The following NLGN1 variants were observed in gnomAD, a reference collection of about 807,000 sequenced individuals.
The protein encoded by NLGN1 is neuroligin-1.
In NLGN1, 12 loss-of-function variants were observed where a neutral mutation model predicts 65.5. The ratio of observed to expected loss-of-function variants is 0.18; its 90% CI spans 0.12 to 0.30. The LOEUF is 0.30. Ranked by LOEUF, NLGN1 falls within the 10% of genes least tolerant of loss-of-function variation. NLGN1 has a pLI of 1.00. For synonymous variants in NLGN1, 350 were observed against 359.5 expected (o/e 0.97, Z 0.30); for missense variants, 750 against 1,007.1 (o/e 0.74, Z 3.46).
intron 3 of NLGN1, among the ~76,000 whole-genome samples, chr3:173,665,349 A>G (rs1034490969): frequency 6.6e-6 from 1 of 152,032 alleles, no homozygotes; most frequent in Non-Finnish European, 1.5e-5. Flanking sequence ...CCCTTCCTTC[A>G]TGATTATAAG....
intron 4 of NLGN1, among the ~76,000 whole-genome samples, chr3:174,039,896 T>C (rs1731915609): frequency 6.6e-6 from 1 of 152,164 alleles, no homozygotes; most frequent in Non-Finnish European, 1.5e-5. Context: ...AGTAGGACTT[T>C]CGTGTTGCAG....
intron 2 of NLGN1, among the ~76,000 whole-genome samples, chr3:173,568,121 A>G (rs1360080189): frequency 2.0e-5 from 3 of 151,912 alleles, no homozygotes; most frequent in African/African-American, 7.2e-5. Flanking sequence ...CTACTCTTGT[A>G]CAATAGATTT....
intron 4 of NLGN1, among the ~76,000 whole-genome samples, chr3:174,028,879 G>T: frequency 6.6e-6 from 1 of 152,290 alleles, no homozygotes; most frequent in South Asian, 2.1e-4. Flanking sequence ...TGTGGGCCAG[G>T]CCCAGGGCCT....
rs867745966 is a variant in NLGN1, at chr3:173,879,367, C to A, written c.646+71535C>A. ...GTCTTCAAGTTCACTGGGTCTAATG[C>A]CATCTTCAATCTGCTATTAATCTCA... On this transcript the variant is annotated intron_variant, in intron 4 of 6. Coordinates refer to ENST00000457714, the Ensembl canonical transcript of NLGN1. Among the ~76,000 whole-genome samples the A allele has an allele frequency of 4.0e-4, 61 of 152,140 alleles. 1 individual carries two copies. The highest frequency in any genetic ancestry group is 2.5e-4 in the Non-Finnish European group (17 of 68,018).
intron 4 of NLGN1, among the ~76,000 whole-genome samples, chr3:174,269,707 G>A (rs1748977908): frequency 6.6e-6 from 1 of 151,864 alleles, no homozygotes; most frequent in Admixed American, 6.6e-5. Context: ...TATATACCCA[G>A]AAGAACGATG....
chr3:174,023,632 G>A (rs1728218317), intron 4 of NLGN1, among the ~76,000 whole-genome samples: 1 of 152,132 alleles, frequency 6.6e-6, no homozygotes, highest in Non-Finnish European at 1.5e-5. Context: ...TCCCTGAAGT[G>A]GCTGCTATCC....
intron 3 of NLGN1, among the ~76,000 whole-genome samples, chr3:173,713,385 C>T (rs1467927897): frequency 2.0e-5 from 3 of 152,044 alleles, no homozygotes; most frequent in Admixed American, 6.6e-5. Flanking sequence ...AAATTATCTT[C>T]ATTTTTTTCT....
At chr3:174,275,676 G>A in intron 5 of NLGN1, 149 bp downstream of exon 5, 1 of 616,676 alleles carries the variant, frequency 1.6e-6, no homozygotes, top group Non-Finnish European at 2.8e-6. Flanking sequence ...GTTTTTCTGT[G>A]CATGTTTAAA....
chr3:173,640,728 A>T lies in NLGN1; in HGVS notation c.493+35637A>T, dbSNP rs557047310. Among the ~76,000 whole-genome samples, 25 of 152,268 alleles carry T rather than the reference A, an allele frequency of 1.6e-4. No individual in the cohort carries two copies. In the South Asian group the frequency reaches 5.2e-3, roughly 32 times the overall value. On this transcript the variant is annotated intron_variant, in intron 3 of 6. Coordinates refer to ENST00000457714, the Ensembl canonical transcript of NLGN1. ...CTATGTCTTAAATTAGTTGCCCCAC[A>T]TTCTAATTTTTTGGTTTTTTATGAC...
In NLGN1 at chr3:173,914,476, A is replaced by G. The variant is rs184759247; in HGVS notation, c.646+106644A>G. Among the ~76,000 whole-genome samples the G allele has an allele frequency of 7.2e-5, 11 of 152,218 alleles. No individual in the cohort carries two copies. In the East Asian group the frequency reaches 2.1e-3, roughly 29 times the overall value. The stretch of plus-strand genomic sequence containing the variant: ...ATAGAGGAGAAACACACACACACAC[A>G]TATATAATGAGCCTTAATGAATATA... On this transcript the variant is annotated intron_variant, in intron 4 of 6. Transcript: ENST00000457714.
intron 2 of NLGN1, among the ~76,000 whole-genome samples, chr3:173,448,064 G>A: frequency 6.6e-6 from 1 of 152,066 alleles, no homozygotes. Flanking sequence ...TCCTTCTCCT[G>A]CCTGATTGCC....
At chr3:173,625,386 T>A (rs1754667559) in intron 3 of NLGN1, among the ~76,000 whole-genome samples, 1 of 152,148 alleles carries the variant, frequency 6.6e-6, no homozygotes, top group Non-Finnish European at 1.5e-5. Flanking sequence ...CTGGTACGTC[T>A]GCTTAGATTG....
At chr3:173,491,001 C>T (rs1004973814) in intron 2 of NLGN1, among the ~76,000 whole-genome samples, 5 of 151,800 alleles carry the variant, frequency 3.3e-5, no homozygotes, top group African/African-American at 1.2e-4. Context: ...TGGGCTGTGA[C>T]GATGGGGTTT....
chr3:173,600,193 ATGTGTG>A (rs67008465), intron 2 of NLGN1, among the ~76,000 whole-genome samples: 7,241 of 145,640 alleles, frequency 0.05, 204 homozygotes, highest in African/African-American at 0.081. Flanking sequence ...ATGTGTGTAC[ATGTGTG>A]TACACACACA....
chr3:173,567,583 C>T (rs1221678691), intron 2 of NLGN1, among the ~76,000 whole-genome samples: 2 of 151,278 alleles, frequency 1.3e-5, no homozygotes, highest in Non-Finnish European at 3.0e-5. Context: ...TCACTTAAAT[C>T]GTATGCTGAA....
At chr3:174,116,227 T>C (rs1716389985) in intron 4 of NLGN1, among the ~76,000 whole-genome samples, 1 of 150,750 alleles carries the variant, frequency 6.6e-6, no homozygotes, top group East Asian at 2.0e-4. Flanking sequence ...ACCACCACCA[T>C]CAACACCACT....
At chr3:174,062,122 A>G (rs112278706) in intron 4 of NLGN1, among the ~76,000 whole-genome samples, 3,723 of 152,180 alleles carry the variant, frequency 0.024, 141 homozygotes, top group African/African-American at 0.081. Flanking sequence ...TTATAAAATT[A>G]AGACTATTAT....
At chr3:173,579,386 G>A (rs945051154) in intron 2 of NLGN1, among the ~76,000 whole-genome samples, 6 of 152,336 alleles carry the variant, frequency 3.9e-5, no homozygotes, top group Admixed American at 3.9e-4. Flanking sequence ...TGACATGGGA[G>A]GATCACCTGA....
At chr3:174,211,527 A>G (rs1177059338) in intron 4 of NLGN1, among the ~76,000 whole-genome samples, 1 of 151,034 alleles carries the variant, frequency 6.6e-6, no homozygotes, top group Non-Finnish European at 1.5e-5. Context: ...ACCTTGAGCT[A>G]GATACAGAGT....
Sources: gnomAD v4.1 joint callset for allele counts (sites outside exome capture counted in the v4.1 genomes callset) on GRCh38, gnomAD v4.1.1 for gene constraint, MANE v1.5 for transcripts, NCBI Gene and HGNC (gene_info 2026-07-23, HGNC 2026-07-21) for gene names.